Variants in AGBL4 observed in about 807,000 individuals in gnomAD.
AGBL4 encodes AGBL carboxypeptidase 4.
In AGBL4, 58 loss-of-function variants were observed where a neutral mutation model predicts 66.4. That is an observed-to-expected ratio of 0.87 (90% confidence interval 0.71 to 1.09). The LOEUF is 1.09. AGBL4 is among the 50% of genes least tolerant of loss of function. The pLI is 0.00. For missense variants in AGBL4, 579 were observed against 631.0 expected (o/e 0.92, Z 0.88); for synonymous variants, 234 against 222.9 (o/e 1.05, Z -0.44).
Position 49,529,362 on chromosome 1 carries a change from A to C in AGBL4, c.282+167951T>G, listed in dbSNP as rs1401572634. Among the ~76,000 whole-genome samples the C allele has an allele frequency of 2.5e-4, 38 of 152,158 alleles. 1 individual carries two copies. The highest frequency in any genetic ancestry group is 2.5e-3 in the Admixed American group (38 of 15,280). ...GATGATACCCTGAATGAAATGTAGA[A>C]CAAAGGAGAAAGAGCAAATGTAAGG... On this transcript the variant is annotated intron_variant, in intron 3 of 13. Coordinates refer to ENST00000371839, the MANE Select transcript of AGBL4 (RefSeq NM_032785.4).
At chr1:49,672,132 T>C (rs772182700) in intron 3 of AGBL4, among the ~76,000 whole-genome samples, 5 of 152,116 alleles carry the variant, frequency 3.3e-5, no homozygotes, top group Admixed American at 6.6e-5. Context: ...GGTACATATA[T>C]ACCATGGAAT....
chr1:49,075,499 CT>C (rs1644692564), intron 4 of AGBL4, among the ~76,000 whole-genome samples: 3 of 152,034 alleles, frequency 2.0e-5, no homozygotes, highest in African/African-American at 4.8e-5. Context: ...TTTTTGTATG[CT>C]TTCATAAATG....
At chr1:48,605,736 G>A (rs1331614535) in intron 9 of AGBL4, among the ~76,000 whole-genome samples, 1 of 152,154 alleles carries the variant, frequency 6.6e-6, no homozygotes, top group East Asian at 1.9e-4. Context: ...ATGAACTAAT[G>A]ATGGAGAAGA....
At chr1:49,864,804 C>T (rs1246042552) in intron 1 of AGBL4, among the ~76,000 whole-genome samples, 1 of 152,238 alleles carries the variant, frequency 6.6e-6, no homozygotes, top group East Asian at 1.9e-4. Context: ...GACATCACTG[C>T]GGCTGCCTGC....
intron 3 of AGBL4, among the ~76,000 whole-genome samples, chr1:49,414,269 C>T (rs1032707398): frequency 2.0e-5 from 3 of 152,012 alleles, no homozygotes; most frequent in Non-Finnish European, 4.4e-5. Flanking sequence ...ATTTCAATTA[C>T]CAATTTTATG....
At chr1:49,276,673 A>C (rs1408997528) in intron 3 of AGBL4, among the ~76,000 whole-genome samples, 1 of 152,176 alleles carries the variant, frequency 6.6e-6, no homozygotes, top group East Asian at 1.9e-4. Context: ...TCATTTACAT[A>C]AAAGACCATC....
intron 7 of AGBL4, among the ~76,000 whole-genome samples, chr1:48,655,431 C>T (rs116650108): frequency 0.02 from 3,104 of 152,054 alleles, 114 homozygotes; most frequent in African/African-American, 0.072. Flanking sequence ...ACTGGATGGA[C>T]CAAGAAAAAA....
intron 5 of AGBL4, among the ~76,000 whole-genome samples, chr1:48,951,727 T>G (rs1458566562): frequency 1.3e-5 from 2 of 152,170 alleles, no homozygotes; most frequent in African/African-American, 2.4e-5. Context: ...AGAAATAAAT[T>G]TATGTTATTC....
chr1:49,604,982 T>A (rs1313574603), intron 3 of AGBL4, among the ~76,000 whole-genome samples: 2 of 152,206 alleles, frequency 1.3e-5, no homozygotes, highest in African/African-American at 2.4e-5. Context: ...CACTATTTAT[T>A]GAGTACATAT....
chr1:49,158,543 G>A (rs991001138), intron 4 of AGBL4, among the ~76,000 whole-genome samples: 8 of 152,150 alleles, frequency 5.3e-5, no homozygotes, highest in South Asian at 4.1e-4. Flanking sequence ...TGTATATTCT[G>A]TTGATGTGGG....
At chr1:49,042,678 CTT>C (rs1001221136) in intron 5 of AGBL4, among the ~76,000 whole-genome samples, 2 of 152,122 alleles carry the variant, frequency 1.3e-5, no homozygotes, top group Non-Finnish European at 2.9e-5. Context: ...GAACCTGACT[CTT>C]TGAGGCTTTC....
intron 3 of AGBL4, among the ~76,000 whole-genome samples, chr1:49,473,643 C>G (rs1203216021): frequency 6.6e-6 from 1 of 151,958 alleles, no homozygotes; most frequent in Middle Eastern, 3.2e-3. Flanking sequence ...TTAATTAGGT[C>G]CCACTTGTCA....
In AGBL4 at chr1:48,736,450, G is replaced by C; in HGVS notation, c.635-73209C>G. The C allele has an allele frequency of 6.2e-7, 1 of 1,613,916 alleles. No individual in the cohort carries two copies. Among genetic ancestry groups the C allele is most frequent in the Non-Finnish European group, 8.5e-7 (1 of 1,179,914 alleles). ...CAACCCAAATCCCGCTTCCCAGATG[G>C]ACCTGAGAGGAATAAGAACACCAGC... On this transcript the variant is annotated intron_variant, in intron 6 of 13. Coordinates refer to ENST00000371839, the MANE Select transcript of AGBL4 (RefSeq NM_032785.4). This position sits in a 1 kb window ranked among gnomAD's most constrained non-coding sequence, Gnocchi z 4.0.
At chr1:49,720,083 C>T (rs1429807293) in intron 2 of AGBL4, among the ~76,000 whole-genome samples, 1 of 152,052 alleles carries the variant, frequency 6.6e-6, no homozygotes, top group African/African-American at 2.4e-5. Flanking sequence ...AAAATATACA[C>T]TCTCTAAGAC....
chr1:49,275,870 A>T (rs1326619202), intron 3 of AGBL4, among the ~76,000 whole-genome samples: 2 of 152,172 alleles, frequency 1.3e-5, no homozygotes, highest in Non-Finnish European at 2.9e-5. Flanking sequence ...CTTTGGGGAA[A>T]ATCACCACAA....
intron 2 of AGBL4, among the ~76,000 whole-genome samples, chr1:49,805,225 T>G (rs533293167): frequency 3.1e-4 from 47 of 152,206 alleles, no homozygotes; most frequent in Non-Finnish European, 4.3e-4. Context: ...GGAACGAGAA[T>G]AGTTAACTGG....
intron 1 of AGBL4, among the ~76,000 whole-genome samples, chr1:49,899,734 A>G (rs970700569): frequency 6.6e-6 from 1 of 152,108 alleles, no homozygotes; most frequent in African/African-American, 2.4e-5. Flanking sequence ...TCGTACATAA[A>G]AGGTATATAA....
At chr1:48,583,223 C>T (rs1178563787) in intron 11 of AGBL4, among the ~76,000 whole-genome samples, 2 of 152,226 alleles carry the variant, frequency 1.3e-5, no homozygotes, top group Non-Finnish European at 2.9e-5. Context: ...TGATTTCTTG[C>T]TATAACAGCC....
chr1:48,806,622 T>G (rs1363946734), intron 6 of AGBL4, among the ~76,000 whole-genome samples: 2 of 152,202 alleles, frequency 1.3e-5, no homozygotes, highest in African/African-American at 2.4e-5. Context: ...AGCCTGCTCT[T>G]TCTTTGTTGT....
Sources: gnomAD v4.1 joint callset for allele counts (sites outside exome capture counted in the v4.1 genomes callset) on GRCh38, gnomAD v4.1.1 for gene constraint, Gnocchi (gnomAD v3.1) non-coding constraint, MANE v1.5 for transcripts, NCBI Gene and HGNC (gene_info 2026-07-23, HGNC 2026-07-21) for gene names.